Variants in MXD3 observed in about 807,000 individuals in gnomAD.
MXD3 encodes Max-associated protein 3.
Under a neutral mutation model 27.5 loss-of-function variants are expected in MXD3, and 20 were observed. The observed-to-expected ratio is 0.73, with a 90% CI of 0.51 to 1.06. The LOEUF is 1.06. Ranked by LOEUF, MXD3 falls within the 50% of genes least tolerant of loss-of-function variation. The probability of loss-of-function intolerance (pLI) is 0.00; values close to 1 mark genes in which losing one functional copy is unlikely to be tolerated. For synonymous variants in MXD3, 150 were observed against 130.7 expected (o/e 1.15, Z -1.01); for missense variants, 298 against 291.3 (o/e 1.02, Z -0.17).
chr5:177,305,801 G>A, downstream of MXD3: 1 of 1,291,666 alleles, frequency 7.7e-7, no homozygotes, highest in Non-Finnish European at 1.1e-6. Context: ...AAAAGTGACA[G>A]GGAGTCAGAT....
At chr5:177,305,818 G>A (rs1245676220), downstream of MXD3, 4 of 1,483,302 alleles carry the variant, frequency 2.7e-6, no homozygotes, top group Non-Finnish European at 3.8e-6. Flanking sequence ...AGATTTATGT[G>A]CAAGTTGGCA....
intron 4 of MXD3, among the ~76,000 whole-genome samples, chr5:177,309,095 C>G (rs1319732931): frequency 6.6e-6 from 1 of 152,222 alleles, no homozygotes; most frequent in Non-Finnish European, 1.5e-5. Flanking sequence ...GAGCACAGAG[C>G]ATTCAGCTTC....
At chr5:177,312,340 G>A, upstream of MXD3, 1 of 986,130 alleles carries the variant, frequency 1.0e-6, no homozygotes, top group Non-Finnish European at 1.2e-6. Context: ...GGCTTCTCAA[G>A]GATCGCTGTT....
upstream of MXD3, chr5:177,312,513 A>T: frequency 2.0e-6 from 2 of 985,400 alleles, no homozygotes; most frequent in Non-Finnish European, 2.4e-6. Flanking sequence ...GCTGGGCCTC[A>T]ATGCGCAGGC....
At chr5:177,308,964 T>G (rs1760970785) in intron 4 of MXD3, among the ~76,000 whole-genome samples, 1 of 152,164 alleles carries the variant, frequency 6.6e-6, no homozygotes, top group Non-Finnish European at 1.5e-5. Context: ...CATTCGGTCA[T>G]TCAACAAGAA....
upstream of MXD3, chr5:177,312,013 G>A: frequency 2.4e-6 from 3 of 1,272,116 alleles, no homozygotes; most frequent in Non-Finnish European, 2.0e-6. Context: ...CCACGGAGCC[G>A]CAGCCCACCC....
At chr5:177,307,167 G>A, downstream of MXD3, 1 of 1,549,266 alleles carries the variant, frequency 6.5e-7, no homozygotes, top group Non-Finnish European at 8.7e-7. Flanking sequence ...GTCTGTGGTT[G>A]GGAGTTCCCC....
At chr5:177,312,126 C>G, upstream of MXD3, 1 of 1,094,944 alleles carries the variant, frequency 9.1e-7, no homozygotes, top group South Asian at 2.3e-5. Context: ...CTAACCGGTG[C>G]TGCTTCTTGC....
chr5:177,309,283 C>CT (rs984926189), intron 4 of MXD3, among the ~76,000 whole-genome samples: 5 of 152,144 alleles, frequency 3.3e-5, no homozygotes, highest in African/African-American at 1.2e-4. Context: ...AGAGATCATT[C>CT]TAGAGCAAAG....
chr5:177,307,365 AG>A lies in MXD3; in HGVS notation c.*222del. On this transcript the variant is annotated 3_prime_UTR_variant, in exon 6 of 6. Coordinates refer to ENST00000439742, the MANE Select transcript of MXD3 (RefSeq NM_031300.4). ...CTCGGGCCCAAGCTGCCTGCCCTGC[AG>A]GGGTCCAGGGAGGTCCTGATGAGTC... 1 of 1,514,858 alleles carries A rather than the reference AG, an allele frequency of 6.6e-7. No individual in the cohort carries two copies. Among genetic ancestry groups the A allele is most frequent in the Non-Finnish European group, 8.9e-7 (1 of 1,117,744 alleles). The allele number at this position is 1,514,858 out of a possible 1,614,324, so 93.8% of individuals were successfully genotyped here.
downstream of MXD3, chr5:177,306,369 T>C: frequency 1.9e-6 from 3 of 1,611,362 alleles, no homozygotes; most frequent in Non-Finnish European, 2.5e-6. Context: ...GGAGGGAAAT[T>C]AGGTTGGTCT....
In MXD3 at chr5:177,307,449, C is replaced by T. The variant is rs1256365795; in HGVS notation, c.*139G>A. 23 of 1,522,014 alleles carry T rather than the reference C, an allele frequency of 1.5e-5. No homozygotes were observed. The highest frequency in any genetic ancestry group is 1.9e-5 in the Non-Finnish European group (22 of 1,130,856). 94.3% of individuals were successfully genotyped at this position (1,522,014 alleles called of 1,614,324 possible). A position where few individuals can be genotyped will look rare whatever the true frequency, so the allele number is the denominator to read the frequency against. Reference sequence around the variant, plus strand: ...AGCCAGCAGCAGGGTGTTTGGGGAGCACCTGTTCCCACACAAGGGTCCTTT... The same window carrying T: ...AGCCAGCAGCAGGGTGTTTGGGGAGTACCTGTTCCCACACAAGGGTCCTTT... On this transcript the variant is annotated 3_prime_UTR_variant, in exon 6 of 6. Coordinates refer to ENST00000439742, the MANE Select transcript of MXD3 (RefSeq NM_031300.4).
Position 177,311,395 on chromosome 5 carries a change from C to A in MXD3, c.160G>T (p.Ala54Ser). The change falls in exon 2 of 6, where the codon GCG becomes TCG. Residue 54 changes from alanine to serine, a missense_variant. Ala to Ser is a moderately conservative substitution (Grantham distance 99, BLOSUM62 1). Transcript: ENST00000439742. ...CCTCCTCACCGCCCGCTGTCCTGCG[C>A]GCCAGGAGCCTGGGGGGGTCGCTTC... The part of the protein sequence containing the change: ...RKKRPPQAPG[A>S]QDSGRSVHNE... The A allele has an allele frequency of 6.9e-7, 1 of 1,440,186 alleles. No homozygotes were observed. Among genetic ancestry groups the A allele is most frequent in the Non-Finnish European group, 9.1e-7 (1 of 1,104,446 alleles). The allele number at this position is 1,440,186 out of a possible 1,614,324, so 89.2% of individuals were successfully genotyped here.
intron 4 of MXD3, chr5:177,308,195 C>T: frequency 1.8e-6 from 1 of 542,510 alleles, no homozygotes; most frequent in South Asian, 2.8e-5. Context: ...TGGGGGGGCA[C>T]CACAATCTCA....
rs1009313456 is a variant in MXD3, at chr5:177,307,364, C to T, written c.*224G>A. On this transcript the variant is annotated 3_prime_UTR_variant, in exon 6 of 6. Transcript: ENST00000439742. Reference sequence around the variant, plus strand: ...GCTCGGGCCCAAGCTGCCTGCCCTGCAGGGGTCCAGGGAGGTCCTGATGAG... The same window carrying T: ...GCTCGGGCCCAAGCTGCCTGCCCTGTAGGGGTCCAGGGAGGTCCTGATGAG... The T allele has an allele frequency of 6.6e-7, 1 of 1,511,666 alleles. No homozygotes were observed. The highest frequency in any genetic ancestry group is 9.0e-7 in the Non-Finnish European group (1 of 1,114,862). 93.6% of individuals were successfully genotyped at this position (1,511,666 alleles called of 1,614,324 possible).
chr5:177,312,335 C>T, upstream of MXD3: 1 of 986,228 alleles, frequency 1.0e-6, no homozygotes, highest in Non-Finnish European at 1.2e-6. Flanking sequence ...CACATGGCTT[C>T]TCAAGGATCG....
chr5:177,305,640 A>G (rs1048304045), downstream of MXD3: 3 of 544,270 alleles, frequency 5.5e-6, no homozygotes, highest in Non-Finnish European at 3.3e-6. Context: ...GTTGATCTCA[A>G]GAGAGAGACC....
downstream of MXD3, chr5:177,306,704 T>G: frequency 7.6e-7 from 1 of 1,315,968 alleles, no homozygotes; most frequent in South Asian, 1.4e-5. Flanking sequence ...GGATGCAGTT[T>G]GGCATCTGCA....
chr5:177,308,146 C>A (rs1760938135), intron 4 of MXD3, 182 bp from the exon 5 acceptor site: 3 of 598,958 alleles, frequency 5.0e-6, no homozygotes, highest in Non-Finnish European at 8.7e-6. Flanking sequence ...CCTTTCCGGC[C>A]ATGCACACGT....
Sources: gnomAD v4.1 joint callset for allele counts (sites outside exome capture counted in the v4.1 genomes callset) on GRCh38, gnomAD v4.1.1 for gene constraint, MANE v1.5 for transcripts, NCBI Gene and HGNC (gene_info 2026-07-23, HGNC 2026-07-21) for gene names.